The following ADAMTS12 variants were observed in gnomAD, a reference collection of about 807,000 sequenced individuals.
ADAMTS12 encodes the protein ADAM metallopeptidase with thrombospondin type 1 motif 12.
A neutral mutation model predicts 167.8 loss-of-function variants in ADAMTS12; 118 were observed. That is an observed-to-expected ratio of 0.70 (90% confidence interval 0.61 to 0.82). The LOEUF is 0.82. ADAMTS12 is among the 40% of genes least tolerant of loss of function. ADAMTS12 has a pLI of 0.00. For missense variants in ADAMTS12, 1,916 were observed against 1,998.8 expected, an observed-to-expected ratio of 0.96 and a Z score of 0.79; for synonymous variants, 704 against 716.9, an observed-to-expected ratio of 0.98 and a Z score of 0.29.
chr5:33,680,126 C>T (rs529245306), intron 5 of ADAMTS12, among the ~76,000 whole-genome samples: 12 of 152,138 alleles, frequency 7.9e-5, no homozygotes, highest in Non-Finnish European at 1.5e-4. Flanking sequence ...AAAGCTTGAA[C>T]GAGGATAATA....
At chr5:33,800,603 T>C (rs557440208) in intron 2 of ADAMTS12, among the ~76,000 whole-genome samples, 2 of 149,926 alleles carry the variant, frequency 1.3e-5, no homozygotes, top group African/African-American at 5.0e-5. Flanking sequence ...AATTTTGGAG[T>C]TGTCAGATTT....
chr5:33,888,049 T>C (rs902091716), intron 1 of ADAMTS12: 1 of 152,190 alleles, frequency 6.6e-6, no homozygotes, highest in Non-Finnish European at 1.5e-5. Context: ...CGGCCTATTC[T>C]TTTTTCTTTT....
chr5:33,868,597 G>A (rs999509996), intron 2 of ADAMTS12, among the ~76,000 whole-genome samples: 6 of 152,158 alleles, frequency 3.9e-5, no homozygotes, highest in Non-Finnish European at 7.3e-5. Context: ...AAATTTATAA[G>A]GAGCAAAATG....
chr5:33,557,791 G>C (rs1278445558), intron 20 of ADAMTS12, among the ~76,000 whole-genome samples: 2 of 152,154 alleles, frequency 1.3e-5, no homozygotes, highest in African/African-American at 2.4e-5. Context: ...CATCGGGCGA[G>C]CAAGCAAAGC....
rs1561140120 is a variant in ADAMTS12, at chr5:33,576,891, A to T, written c.3135T>A (p.Thr1045=). The T allele has an allele frequency of 6.2e-7, 1 of 1,614,110 alleles. No individual in the cohort carries two copies. Among genetic ancestry groups the T allele is most frequent in the Non-Finnish European group, 8.5e-7 (1 of 1,180,022 alleles). Residue 1045 remains threonine, a synonymous_variant, in exon 19 of 24, where the codon ACT becomes ACA. Coordinates refer to ENST00000504830, the MANE Select transcript of ADAMTS12 (RefSeq NM_030955.4). ...TAGGACTAGGGCTGCTGATTGCTGG[A>T]GTGCTTGTGCTCATAGACTCAGGCC... The part of the protein sequence containing the change: ...PTGPESMSTS[T]PAISSPSPTT...
At chr5:33,795,876 T>C (rs1298652483) in intron 2 of ADAMTS12, among the ~76,000 whole-genome samples, 1 of 152,226 alleles carries the variant, frequency 6.6e-6, no homozygotes, top group African/African-American at 2.4e-5. Flanking sequence ...AAAAAAATAC[T>C]TAGAAATTCC....
intron 2 of ADAMTS12, among the ~76,000 whole-genome samples, chr5:33,836,191 T>A (rs904231382): frequency 2.6e-5 from 4 of 152,132 alleles, no homozygotes; most frequent in Non-Finnish European, 5.9e-5. Flanking sequence ...TGTGGTTGGC[T>A]GGGTGGAGGG....
chr5:33,850,528 G>C (rs910479377), intron 2 of ADAMTS12, among the ~76,000 whole-genome samples: 2 of 152,150 alleles, frequency 1.3e-5, no homozygotes, highest in African/African-American at 4.8e-5. Context: ...AGCCCAACAG[G>C]CTCTCGACAC....
At chr5:33,810,468 A>G (rs1431114661) in intron 2 of ADAMTS12, among the ~76,000 whole-genome samples, 1 of 151,846 alleles carries the variant, frequency 6.6e-6, no homozygotes, top group Non-Finnish European at 1.5e-5. Flanking sequence ...TACACCCCAT[A>G]CCCCCACATA....
intron 16 of ADAMTS12, among the ~76,000 whole-genome samples, chr5:33,607,206 TG>T (rs1263184966): frequency 8.7e-5 from 13 of 149,796 alleles, no homozygotes; most frequent in African/African-American, 3.2e-4. Flanking sequence ...TTCAGCACTC[TG>T]TGACAGGCCC....
intron 13 of ADAMTS12, among the ~76,000 whole-genome samples, chr5:33,629,323 A>G (rs1251660722): frequency 6.6e-6 from 1 of 152,198 alleles, no homozygotes; most frequent in Admixed American, 6.6e-5. Context: ...TAGGGGCAAG[A>G]GCTTGTCACA....
intron 3 of ADAMTS12, among the ~76,000 whole-genome samples, chr5:33,688,682 A>G (rs1411328186): frequency 6.6e-6 from 1 of 152,200 alleles, no homozygotes; most frequent in South Asian, 2.1e-4. Flanking sequence ...AGATGGCAGA[A>G]GACTCTGGAA....
At chr5:33,586,949 TA>T (rs1408671784) in intron 18 of ADAMTS12, among the ~76,000 whole-genome samples, 1 of 152,196 alleles carries the variant, frequency 6.6e-6, no homozygotes, top group Non-Finnish European at 1.5e-5. Flanking sequence ...TGCATATCTT[TA>T]TCCTTCCTTT....
chr5:33,822,866 T>C (rs959436625), intron 2 of ADAMTS12, among the ~76,000 whole-genome samples: 5 of 152,022 alleles, frequency 3.3e-5, no homozygotes, highest in African/African-American at 1.2e-4. Context: ...GGTGGGAGGA[T>C]TGCTTGAGGC....
intron 22 of ADAMTS12, among the ~76,000 whole-genome samples, chr5:33,541,906 A>AG (rs1414305267): frequency 2.6e-5 from 4 of 151,354 alleles, no homozygotes; most frequent in Admixed American, 6.6e-5. Flanking sequence ...AAAGACCATC[A>AG]ATGCTAGGAA....
At chr5:33,533,354 A>C (rs1403143131) in intron 23 of ADAMTS12, among the ~76,000 whole-genome samples, 2 of 152,330 alleles carry the variant, frequency 1.3e-5, no homozygotes, top group Admixed American at 6.5e-5. Context: ...AATGAAATGA[A>C]ATGAAAGGAA....
intron 2 of ADAMTS12, among the ~76,000 whole-genome samples, chr5:33,876,955 A>T (rs1267591042): frequency 6.6e-6 from 1 of 152,240 alleles, no homozygotes; most frequent in Non-Finnish European, 1.5e-5. Context: ...AAAAATACTA[A>T]GAAATATCTC....
chr5:33,613,680 A>G (rs1479181629), intron 16 of ADAMTS12, among the ~76,000 whole-genome samples: 1 of 152,190 alleles, frequency 6.6e-6, no homozygotes, highest in Admixed American at 6.5e-5. Context: ...AATTACTAAG[A>G]TTTCAATTTT....
At chr5:33,629,957 C>G (rs1290766376) in intron 13 of ADAMTS12, among the ~76,000 whole-genome samples, 1 of 152,028 alleles carries the variant, frequency 6.6e-6, no homozygotes, top group African/African-American at 2.4e-5. Flanking sequence ...TTTGACAACC[C>G]CACCTAGGCA....
Sources: gnomAD v4.1 joint callset for allele counts (sites outside exome capture counted in the v4.1 genomes callset) on GRCh38, gnomAD v4.1.1 for gene constraint, MANE v1.5 for transcripts, NCBI Gene and HGNC (gene_info 2026-07-23, HGNC 2026-07-21) for gene names.